Variants in PARP12 observed in about 807,000 individuals in gnomAD.
PARP12 encodes protein mono-ADP-ribosyltransferase PARP12.
A neutral mutation model predicts 72.4 loss-of-function variants in PARP12; 59 were observed. The observed-to-expected ratio is 0.81, with a 90% confidence interval of 0.66 to 1.01. The LOEUF (loss-of-function observed/expected upper bound fraction) is 1.01, where lower values mean the gene tolerates loss of function less well. Among genes scored for constraint, PARP12 ranks in the 50% least tolerant of loss-of-function variants. PARP12 has a pLI of 0.00. For missense variants in PARP12, 851 were observed against 914.0 expected, an observed-to-expected ratio of 0.93 and a Z score of 0.89; for synonymous variants, 403 against 371.4, an observed-to-expected ratio of 1.09 and a Z score of -0.98.
chr7:140,046,709 T>G (rs2068471680), intron 5 of PARP12, among the ~76,000 whole-genome samples, 175 bp downstream of exon 5: 1 of 145,794 alleles, frequency 6.9e-6, no homozygotes, highest in South Asian at 2.2e-4. Flanking sequence ...ACCTCCAGAC[T>G]AGGTGGCTCA....
chr7:140,037,914 G>T (rs73734184), intron 6 of PARP12, 58 bp from the exon 7 acceptor site: 3 of 1,574,538 alleles, frequency 1.9e-6, no homozygotes, highest in Non-Finnish European at 1.7e-6. Flanking sequence ...GAGGAAAAAC[G>T]CTGGTGGCAC....
rs557346566 is a variant in PARP12, at chr7:140,034,222, C to T, written c.1421+13G>A. ...ATTACATCCTAAGTACCAAGCCCCC[C>T]ACTGCAACCTACCAGGTTTGCATGG... On this transcript the variant is annotated intron_variant, in intron 8 of 11. Transcript: ENST00000263549. 2.4e-5 allele frequency: 38 copies of T among 1,610,690 alleles called. No individual in the cohort carries two copies. The highest frequency in any genetic ancestry group is 3.3e-4 in the Middle Eastern group (2 of 6,052).
At chr7:140,057,654 TA>T in intron 2 of PARP12, 2 of 523,946 alleles carry the variant, frequency 3.8e-6, no homozygotes, top group Non-Finnish European at 6.7e-6. Flanking sequence ...TCAGAGAAGT[TA>T]AAGAATCAGC....
At chr7:140,059,502 G>A (rs1817354250) in intron 1 of PARP12, among the ~76,000 whole-genome samples, 1 of 151,556 alleles carries the variant, frequency 6.6e-6, no homozygotes, top group Non-Finnish European at 1.5e-5. Flanking sequence ...AGAACCCAAA[G>A]ATAAACCTTT....
At chr7:140,048,523 C>A (rs940272544) in intron 4 of PARP12, among the ~76,000 whole-genome samples, 1 of 152,188 alleles carries the variant, frequency 6.6e-6, no homozygotes, top group Non-Finnish European at 1.5e-5. Context: ...CTAGCTACCT[C>A]TGAGATATTT....
intron 9 of PARP12, among the ~76,000 whole-genome samples, chr7:140,028,401 C>CA (rs1815817403): frequency 6.6e-6 from 1 of 152,204 alleles, no homozygotes; most frequent in Non-Finnish European, 1.5e-5. Flanking sequence ...CCCCTCCCCT[C>CA]AGAGCCACAG....
chr7:140,044,422 G>A lies in PARP12; in HGVS notation c.986+2462C>T, dbSNP rs1407644256. Among the ~76,000 whole-genome samples the A allele has an allele frequency of 2.0e-5, 3 of 152,188 alleles. No homozygotes were observed. The East Asian group carries it at 5.8e-4, about 29-fold the overall frequency. On this transcript the variant is annotated intron_variant, in intron 5 of 11. Coordinates refer to ENST00000263549, the MANE Select transcript of PARP12 (RefSeq NM_022750.4). ...ATGGGGAAATGCCTGTGACAATGGA[G>A]GCTGAGATTGGAGTGACGCGTCTAC... is the stretch of plus-strand genomic sequence containing the variant.
intron 7 of PARP12, among the ~76,000 whole-genome samples, chr7:140,036,672 G>C (rs1816214009): frequency 6.6e-6 from 1 of 152,124 alleles, no homozygotes; most frequent in African/African-American, 2.4e-5. Flanking sequence ...TGTGTTTAAA[G>C]GAAGGCCCAC....
chr7:140,028,892 A>T (rs1215139738), intron 8 of PARP12: 2 of 430,968 alleles, frequency 4.6e-6, no homozygotes, highest in African/African-American at 4.1e-5. Flanking sequence ...CCAAACTCCA[A>T]ACAGTCCTGA....
At chr7:140,055,859 C>T (rs545364492) in intron 3 of PARP12, among the ~76,000 whole-genome samples, 1 of 152,310 alleles carries the variant, frequency 6.6e-6, no homozygotes, top group East Asian at 1.9e-4. Context: ...AAGTCAGGTA[C>T]AATTAGAGTG....
chr7:140,045,116 A>C (rs1283103897), intron 5 of PARP12, among the ~76,000 whole-genome samples: 1 of 152,040 alleles, frequency 6.6e-6, no homozygotes, highest in East Asian at 1.9e-4. Flanking sequence ...TGCAGCATCA[A>C]ACTCCTGGGC....
chr7:140,062,779 C>A lies in PARP12; in HGVS notation c.69G>T (p.Leu23Phe), dbSNP rs949513216. The A allele has an allele frequency of 8.5e-6, 12 of 1,404,266 alleles. No individual in the cohort carries two copies. The highest frequency in any genetic ancestry group is 1.1e-5 in the Non-Finnish European group (12 of 1,075,620). 87.0% of individuals were successfully genotyped at this position (1,404,266 alleles called of 1,614,324 possible). Residue 23 changes from leucine (L) to phenylalanine (F), a missense_variant, in exon 1 of 12, where the codon TTG becomes TTT. Coordinates refer to ENST00000263549, the MANE Select transcript of PARP12 (RefSeq NM_022750.4). Reference protein sequence around the residue: ...VLCAAGGALELPELRRRLRMG... With the variant: ...VLCAAGGALEFPELRRRLRMG... Reference sequence around the variant, plus strand: ...TCCGCAAGCGGCGCCGCAGCTCGGGCAACTCCAGGGCGCCCCCGGCCGCGC... The same window carrying A: ...TCCGCAAGCGGCGCCGCAGCTCGGGAAACTCCAGGGCGCCCCCGGCCGCGC...
At chr7:140,042,180 G>A (rs1286723898) in intron 5 of PARP12, among the ~76,000 whole-genome samples, 3 of 152,200 alleles carry the variant, frequency 2.0e-5, no homozygotes, top group Non-Finnish European at 4.4e-5. Flanking sequence ...CATATACTGA[G>A]TGTTTACTGT....
chr7:140,031,587 G>A (rs1815939684), intron 8 of PARP12, among the ~76,000 whole-genome samples: 1 of 152,176 alleles, frequency 6.6e-6, no homozygotes, highest in South Asian at 2.1e-4. Flanking sequence ...TGGCACATGG[G>A]TCAGAGAGAA....
chr7:140,024,563 C>T lies in PARP12; in HGVS notation c.2103G>A (p.Gln701=). Residue 701 remains glutamine, a synonymous_variant, in exon 12 of 12, where the codon CAG becomes CAA. Transcript: ENST00000263549. Reference sequence around the variant, plus strand: ...GGCCTGGAACACTCCTGTGCGCTCACTGTCGGCTGCTGAACAGGGAGCCCA... The same window carrying T: ...GGCCTGGAACACTCCTGTGCGCTCATTGTCGGCTGCTGAACAGGGAGCCCA... ...LALGSLFSSR[Q] 6.2e-7 allele frequency: 1 copy of T among 1,614,170 alleles called. No individual in the cohort carries two copies. The highest frequency in any genetic ancestry group is 1.1e-5 in the South Asian group (1 of 91,086).
At position 140,036,056 on chromosome 7, in the gene PARP12, A is replaced by G. The variant is rs199610373; in HGVS notation, c.1324+1659T>C. On this transcript the variant is annotated intron_variant, in intron 7 of 11. Transcript: ENST00000263549. ...GGAGGAGAAGGAGGAGAAGGAGGAG[A>G]AGGAGGAGAAGGAGGAGAAGGAGGA... Among the ~76,000 whole-genome samples the G allele has an allele frequency of 2.0e-3, 144 of 73,210 alleles. 15 individuals are homozygous for G. The highest frequency in any genetic ancestry group is 0.011 in the East Asian group (10 of 884). 48.0% of individuals were successfully genotyped at this position (73,210 alleles called of 152,430 possible). A position where few individuals can be genotyped will look rare whatever the true frequency, so the allele number is the denominator to read the frequency against.
intron 6 of PARP12, chr7:140,038,405 G>GTTT: frequency 1.3e-6 from 1 of 750,196 alleles, no homozygotes; most frequent in Non-Finnish European, 1.6e-6. Flanking sequence ...GCTGGAGTGA[G>GTTT]TTTGAATTCT....
Position 140,062,563 on chromosome 7 carries a change from GC to G in PARP12, c.284del (p.Cys95SerfsTer12). 6.4e-7 allele frequency: 1 copy of G among 1,554,972 alleles called. No homozygotes were observed. Among genetic ancestry groups the G allele is most frequent in the Non-Finnish European group, 8.7e-7 (1 of 1,155,046 alleles). On this transcript the variant is annotated frameshift_variant, in exon 1 of 12. Coordinates refer to ENST00000263549, the MANE Select transcript of PARP12 (RefSeq NM_022750.4). LOFTEE classifies it high-confidence loss of function. ...CVGLCAQLHL[C>X]RFMVYGACKF... ...TGCAGGCGCCGTAGACCATGAACCT[GC>G]AGAGGTGGAGCTGCGCGCAGAGCCC...
At chr7:140,049,359 C>T (rs1472904487) in intron 4 of PARP12, among the ~76,000 whole-genome samples, 1 of 152,198 alleles carries the variant, frequency 6.6e-6, no homozygotes, top group Non-Finnish European at 1.5e-5. Flanking sequence ...TGAACTCTCT[C>T]AAGCAGGTGT....
Sources: allele counts gnomAD v4.1 joint callset (sites outside exome capture counted in the v4.1 genomes callset), GRCh38; gene constraint gnomAD v4.1.1; transcripts MANE v1.5; gene names NCBI Gene and HGNC (gene_info 2026-07-23, HGNC 2026-07-21).